Variants in DENND2A observed in about 807,000 individuals in gnomAD.
The protein encoded by DENND2A is DENN domain-containing protein 2A.
A neutral mutation model predicts 105.3 loss-of-function variants in DENND2A; 53 were observed. The ratio of observed to expected loss-of-function variants is 0.50; its 90% confidence interval spans 0.40 to 0.63. The LOEUF (loss-of-function observed/expected upper bound fraction) is 0.63. Ranked by LOEUF, DENND2A falls within the 30% of genes least tolerant of loss-of-function variation. DENND2A has a pLI of 0.00. For missense variants in DENND2A, 1,138 were observed against 1,279.6 expected (o/e 0.89, Z 1.69); for synonymous variants, 522 against 508.4 (o/e 1.03, Z -0.36).
chr7:140,632,142 T>C (rs1407561814), intron 1 of DENND2A, among the ~76,000 whole-genome samples: 1 of 152,172 alleles, frequency 6.6e-6, no homozygotes, highest in African/African-American at 2.4e-5. Context: ...ACCAGGCACA[T>C]GAAATGCCAA....
chr7:140,536,018 C>A (rs1796444285), intron 14 of DENND2A, among the ~76,000 whole-genome samples: 1 of 152,120 alleles, frequency 6.6e-6, no homozygotes, highest in Non-Finnish European at 1.5e-5. Context: ...CGCTCCTTAG[C>A]CAAGACAGAA....
intron 1 of DENND2A, among the ~76,000 whole-genome samples, chr7:140,621,961 G>C (rs1057127404): frequency 6.6e-6 from 1 of 152,142 alleles, no homozygotes; most frequent in East Asian, 1.9e-4. Context: ...GCTCCATAAG[G>C]AGGAGACGCC....
chr7:140,553,126 T>G (rs1048650186), intron 12 of DENND2A, among the ~76,000 whole-genome samples: 3 of 152,034 alleles, frequency 2.0e-5, no homozygotes, highest in African/African-American at 7.2e-5. Context: ...ATATGGAGGA[T>G]CCCGCCAGCC....
At chr7:140,579,471 C>T (rs1294547378) in intron 5 of DENND2A, among the ~76,000 whole-genome samples, 4 of 151,424 alleles carry the variant, frequency 2.6e-5, no homozygotes, top group Non-Finnish European at 5.9e-5. Flanking sequence ...CAGCTCACTG[C>T]AACCTCCGCC....
intron 3 of DENND2A, among the ~76,000 whole-genome samples, chr7:140,592,598 C>CT (rs59623254): frequency 0.059 from 8,440 of 144,114 alleles, 779 homozygotes; most frequent in African/African-American, 0.2. Context: ...GTGCCCTGCC[C>CT]TTTTTTTTTT....
chr7:140,613,917 C>T (rs940267095), intron 1 of DENND2A, among the ~76,000 whole-genome samples: 1 of 152,064 alleles, frequency 6.6e-6, no homozygotes, highest in African/African-American at 2.4e-5. Flanking sequence ...CTTCTTTTCC[C>T]ATGGAAAATG....
In DENND2A at chr7:140,568,186, C is replaced by T. The variant is rs377148802; in HGVS notation, c.1591+577G>A. Among the ~76,000 whole-genome samples, 5 of 152,188 alleles carry T rather than the reference C, an allele frequency of 3.3e-5. No homozygotes were observed. The East Asian group carries it at 5.8e-4, about 18-fold the overall frequency. ...TGAACTCCCGACCTTGTGATCCACCCGCCTCGGCCTCCTAAAGTGCTGGGA... is the reference window on the plus strand; with the variant it reads ...TGAACTCCCGACCTTGTGATCCACCTGCCTCGGCCTCCTAAAGTGCTGGGA... On this transcript the variant is annotated intron_variant, in intron 8 of 19. Transcript: ENST00000496613.
Position 140,601,393 on chromosome 7 carries a change from C to A in DENND2A, c.995+10G>T, listed in dbSNP as rs374099434. Reference sequence around the variant, plus strand: ...GTGGCGACACTCTGCCTGGCCACACCGGCACCTACCTGTGGTCTGCACTGG... The same window carrying A: ...GTGGCGACACTCTGCCTGGCCACACAGGCACCTACCTGTGGTCTGCACTGG... On this transcript the variant is annotated intron_variant, in intron 3 of 19. Transcript: ENST00000496613. 6.4e-7 allele frequency: 1 copy of A among 1,566,312 alleles called. No individual in the cohort carries two copies. The highest frequency in any genetic ancestry group is 8.7e-7 in the Non-Finnish European group (1 of 1,155,688).
chr7:140,623,329 A>AT (rs1253879864), intron 1 of DENND2A, among the ~76,000 whole-genome samples: 1 of 151,638 alleles, frequency 6.6e-6, no homozygotes, highest in East Asian at 1.9e-4. Context: ...AAAAAAAAAA[A>AT]AAAAAAGTCC....
intron 10 of DENND2A, among the ~76,000 whole-genome samples, chr7:140,558,808 T>C (rs1163836159): frequency 1.3e-5 from 2 of 149,156 alleles, no homozygotes; most frequent in East Asian, 4.0e-4. Context: ...CATTTTCTCT[T>C]TTTTTTTTTT....
chr7:140,531,643 A>G (rs535920949), intron 14 of DENND2A, among the ~76,000 whole-genome samples: 1 of 151,716 alleles, frequency 6.6e-6, no homozygotes. Context: ...TACTAAAAAT[A>G]CAAAAAATAC....
At position 140,559,665 on chromosome 7, in the gene DENND2A, G is replaced by A. The variant is rs747975043; in HGVS notation, c.1889+43C>T. On this transcript the variant is annotated intron_variant, in intron 10 of 19. Coordinates refer to ENST00000496613, the MANE Select transcript of DENND2A (RefSeq NM_015689.5). The surrounding 1 kb of genome is among the most constrained non-coding windows in gnomAD (Gnocchi z 4.1). ...ACCTGTAACCCCGTCTCTAAGTCTC[G>A]CCTTAGTCTTTGGGGCTGCGAAGGG... 128 of 1,441,848 alleles carry A rather than the reference G, an allele frequency of 8.9e-5. No individual in the cohort carries two copies. The highest frequency in any genetic ancestry group is 3.5e-4 in the Middle Eastern group (2 of 5,736). The allele number at this position is 1,441,848 out of a possible 1,614,324, so 89.3% of individuals were successfully genotyped here.
chr7:140,544,559 A>G (rs757266338), intron 14 of DENND2A, 59 bp downstream of exon 14: 11 of 1,607,472 alleles, frequency 6.8e-6, no homozygotes, highest in Non-Finnish European at 9.4e-6. Flanking sequence ...TCTACAGACT[A>G]GAGGGTCCAA....
At chr7:140,529,330 C>T (rs1796172833) in intron 14 of DENND2A, among the ~76,000 whole-genome samples, 2 of 152,164 alleles carry the variant, frequency 1.3e-5, no homozygotes. Context: ...AATAGGAACA[C>T]TTTTACACTG....
chr7:140,602,150 C>T lies in DENND2A; in HGVS notation c.248G>A (p.Arg83Lys), dbSNP rs1799537243. ...CTGAGTTCTCACCCCATCACTACTCCTCCTCTCCACCGTAGAGGACGGCAG... is the reference window on the plus strand; with the variant it reads ...CTGAGTTCTCACCCCATCACTACTCTTCCTCTCCACCGTAGAGGACGGCAG... ...DYLPSSTVERRSSDGVRTQVT... is the reference protein window; with the variant it reads ...DYLPSSTVERKSSDGVRTQVT... The change falls in exon 3 of 20, where the codon AGG becomes AAG. Residue 83 changes from arginine (R) to lysine (K), a missense_variant. Physicochemically the swap from Arg to Lys is conservative, Grantham distance 26. Transcript: ENST00000496613. 1.9e-6 allele frequency: 3 copies of T among 1,614,054 alleles called. No individual in the cohort carries two copies. Among genetic ancestry groups the T allele is most frequent in the Non-Finnish European group, 2.5e-6 (3 of 1,180,036 alleles).
chr7:140,618,754 T>C (rs1014486481), intron 1 of DENND2A, among the ~76,000 whole-genome samples: 3 of 152,166 alleles, frequency 2.0e-5, no homozygotes, highest in Admixed American at 2.0e-4. Flanking sequence ...AGAAAGTTTT[T>C]TGGTGTGTTT....
At chr7:140,525,503 G>T (rs764158132) in intron 16 of DENND2A, among the ~76,000 whole-genome samples, 1 of 152,132 alleles carries the variant, frequency 6.6e-6, no homozygotes, top group African/African-American at 2.4e-5. Context: ...AGATTACAAA[G>T]AATCTTTTTC....
chr7:140,519,663 G>A lies in DENND2A; in HGVS notation c.2967C>T (p.His989=). Residue 989 remains histidine (H), a synonymous_variant, in exon 19 of 20, where the codon CAC becomes CAT. Coordinates refer to ENST00000496613, the MANE Select transcript of DENND2A (RefSeq NM_015689.5). The stretch of plus-strand genomic sequence containing the variant: ...CCTTCAGGAACTTATTGACACCGCT[G>A]TGCTCTCCACTGGGGAGTGTTTCCA... ...EYLETLPSGE[H]SGVNKFLKGL... is the part of the protein sequence containing the mutation. The A allele has an allele frequency of 6.2e-7, 1 of 1,614,126 alleles. No homozygotes were observed. Among genetic ancestry groups the A allele is most frequent in the Non-Finnish European group, 8.5e-7 (1 of 1,180,038 alleles).
At chr7:140,561,993 G>T (rs1797636708) in intron 9 of DENND2A, among the ~76,000 whole-genome samples, 1 of 151,882 alleles carries the variant, frequency 6.6e-6, no homozygotes, top group African/African-American at 2.4e-5. Flanking sequence ...GGGTTCAAGT[G>T]ATTCTCCTAC....
Sources: gnomAD v4.1 joint callset for allele counts (sites outside exome capture counted in the v4.1 genomes callset) on GRCh38, gnomAD v4.1.1 for gene constraint, Gnocchi (gnomAD v3.1) non-coding constraint, MANE v1.5 for transcripts, NCBI Gene and HGNC (gene_info 2026-07-23, HGNC 2026-07-21) for gene names.